FGF12: variants seen among roughly 807,000 people sequenced by gnomAD.
The protein encoded by FGF12 is fibroblast growth factor 12.
In FGF12, 14 loss-of-function variants were observed where a neutral mutation model predicts 23.6. The observed-to-expected ratio is 0.59, with a 90% CI of 0.39 to 0.93. The LOEUF is 0.93. FGF12 is among the 40% of genes least tolerant of loss of function. FGF12 has a pLI of 0.00. For missense variants in FGF12, 175 were observed against 217.8 expected (o/e 0.80, Z 1.24); for synonymous variants, 62 against 77.3 (o/e 0.80, Z 1.04).
intron 4 of FGF12, among the ~76,000 whole-genome samples, chr3:192,329,445 TC>T (rs1201848051): frequency 3.3e-5 from 5 of 152,202 alleles, no homozygotes; most frequent in Non-Finnish European, 7.3e-5. Flanking sequence ...TCACTAGTGT[TC>T]TAACCACAAT....
chr3:192,506,578 G>A (rs1442167232), intron 2 of FGF12, among the ~76,000 whole-genome samples: 1 of 152,104 alleles, frequency 6.6e-6, no homozygotes, highest in Non-Finnish European at 1.5e-5. Flanking sequence ...CACCACGTTG[G>A]CCAGGCTGGT....
intron 2 of FGF12, among the ~76,000 whole-genome samples, chr3:192,457,931 G>A (rs1422089419): frequency 6.6e-6 from 1 of 152,218 alleles, no homozygotes; most frequent in South Asian, 2.1e-4. Context: ...TGTGCAGCTA[G>A]AGACTTGGTG....
chr3:192,522,847 T>C (rs191952982), intron 2 of FGF12, among the ~76,000 whole-genome samples: 20 of 152,316 alleles, frequency 1.3e-4, no homozygotes, highest in Middle Eastern at 3.4e-3. Context: ...ATTTGTGTAA[T>C]CTAGAAAATA....
chr3:192,527,473 A>G (rs1724973290), intron 2 of FGF12, among the ~76,000 whole-genome samples: 2 of 152,226 alleles, frequency 1.3e-5, no homozygotes, highest in African/African-American at 4.8e-5. Context: ...AGGTTAATTA[A>G]CAAATAATGA....
chr3:192,717,656 C>T (rs945001879), intron 2 of FGF12, among the ~76,000 whole-genome samples: 1 of 152,080 alleles, frequency 6.6e-6, no homozygotes, highest in Admixed American at 6.5e-5. Context: ...AAGGATAAAA[C>T]TCCACTTATA....
At chr3:192,204,118 G>A (rs944183419) in intron 4 of FGF12, among the ~76,000 whole-genome samples, 2 of 152,106 alleles carry the variant, frequency 1.3e-5, no homozygotes. Context: ...CTAGGTATTA[G>A]ATGAAGGTCA....
In FGF12 at chr3:192,408,663, A is replaced by G; in HGVS notation, c.14-48125T>C. 4 of 1,016,366 alleles carry G rather than the reference A, an allele frequency of 3.9e-6. No homozygotes were observed. The highest frequency in any genetic ancestry group is 8.3e-5 in the South Asian group (2 of 24,146). 63.0% of individuals were successfully genotyped at this position (1,016,366 alleles called of 1,614,324 possible). On this transcript the variant is annotated intron_variant, in intron 2 of 5. Coordinates refer to ENST00000445105, the MANE Select transcript of FGF12 (RefSeq NM_004113.6). The surrounding 1 kb of genome is among the most constrained non-coding windows in gnomAD (Gnocchi z 7.3). ...GAGGCGCAAGCGTTGTAAGGTGTCC[A>G]AAGTATACCTACACATACATACATA...
chr3:192,334,046 A>G (rs968975901), intron 4 of FGF12, among the ~76,000 whole-genome samples: 3 of 152,112 alleles, frequency 2.0e-5, no homozygotes, highest in Non-Finnish European at 4.4e-5. Context: ...AGGTGTATTG[A>G]TGGACTTCTG....
At chr3:192,727,131 G>C in intron 2 of FGF12, 50 bp downstream of exon 2, 1 of 1,562,474 alleles carries the variant, frequency 6.4e-7, no homozygotes, top group Non-Finnish European at 8.7e-7. Context: ...GGATTGCCTT[G>C]GCCACACGCA....
At chr3:192,314,192 C>T (rs1242422336) in intron 4 of FGF12, among the ~76,000 whole-genome samples, 1 of 152,162 alleles carries the variant, frequency 6.6e-6, no homozygotes, top group Middle Eastern at 3.4e-3. Context: ...TTTAAGCCAA[C>T]CAGTCTGTGA....
rs982016547 is a variant in FGF12 at position 192,287,241 on chromosome 3, C to A, written c.228+48120G>T. ...TTACTAATTCCCTTAGTGTTACTTCCTTAACCCTCATCTGCACTTAACAAT... is the reference window on the plus strand; with the variant it reads ...TTACTAATTCCCTTAGTGTTACTTCATTAACCCTCATCTGCACTTAACAAT... On this transcript the variant is annotated intron_variant, in intron 4 of 5. Transcript: ENST00000445105. Among the ~76,000 whole-genome samples the A allele has an allele frequency of 1.3e-4, 19 of 151,926 alleles. 1 individual carries two copies. The highest frequency in any genetic ancestry group is 4.6e-4 in the African/African-American group (19 of 41,408).
intron 2 of FGF12, among the ~76,000 whole-genome samples, chr3:192,467,617 A>G (rs1723049795): frequency 6.6e-6 from 1 of 152,228 alleles, no homozygotes; most frequent in Non-Finnish European, 1.5e-5. Flanking sequence ...ACACAGCTAC[A>G]CTTACAGAGA....
intron 2 of FGF12, among the ~76,000 whole-genome samples, chr3:192,596,400 A>C (rs2654692): frequency 1.3e-5 from 2 of 151,744 alleles, no homozygotes; most frequent in African/African-American, 4.8e-5. Context: ...ACACCTATTG[A>C]CTTACAATGA....
chr3:192,622,491 A>G (rs186322068), intron 2 of FGF12, among the ~76,000 whole-genome samples: 520 of 152,302 alleles, frequency 3.4e-3, no homozygotes, highest in African/African-American at 0.012. Context: ...GTCAGGGACC[A>G]CCAGTCAGTG....
chr3:192,210,999 T>C (rs1374590683), intron 4 of FGF12, among the ~76,000 whole-genome samples: 1 of 152,130 alleles, frequency 6.6e-6, no homozygotes, highest in Non-Finnish European at 1.5e-5. Context: ...ATTGCAAGGT[T>C]TAAAGCAGAG....
chr3:192,610,676 A>G (rs1714519194), intron 2 of FGF12, among the ~76,000 whole-genome samples: 2 of 152,030 alleles, frequency 1.3e-5, no homozygotes, highest in African/African-American at 4.8e-5. Flanking sequence ...CATCTCTGTA[A>G]GAATTAAAGC....
chr3:192,472,019 G>A (rs1173819668), intron 2 of FGF12, among the ~76,000 whole-genome samples: 4 of 152,054 alleles, frequency 2.6e-5, no homozygotes, highest in African/African-American at 9.7e-5. Flanking sequence ...TTTTGTTTTT[G>A]TTGTTGTTTG....
At chr3:192,190,690 T>C (rs1332048876) in intron 4 of FGF12, among the ~76,000 whole-genome samples, 2 of 151,990 alleles carry the variant, frequency 1.3e-5, no homozygotes, top group African/African-American at 2.4e-5. Flanking sequence ...TTAGCCGGGA[T>C]GGTCTCCATC....
intron 2 of FGF12, among the ~76,000 whole-genome samples, chr3:192,415,146 C>G (rs995198122): frequency 1.3e-5 from 2 of 152,164 alleles, no homozygotes; most frequent in South Asian, 4.1e-4. Flanking sequence ...CTTATACCAC[C>G]TAGGAGATGG....
Sources: allele counts gnomAD v4.1 joint callset (sites outside exome capture counted in the v4.1 genomes callset), GRCh38; gene constraint gnomAD v4.1.1; non-coding constraint Gnocchi (gnomAD v3.1); transcripts MANE v1.5; gene names NCBI Gene and HGNC (gene_info 2026-07-23, HGNC 2026-07-21).